IL22RA1: variants seen among roughly 807,000 people sequenced by gnomAD.
The protein encoded by IL22RA1 is interleukin 22 receptor subunit alpha 1.
Under a neutral mutation model 32.8 loss-of-function variants are expected in IL22RA1, and 25 were observed. That is an observed-to-expected ratio of 0.76 (90% CI 0.55 to 1.06). IL22RA1 has a LOEUF of 1.06. IL22RA1 is among the 50% of genes least tolerant of loss of function. The probability of loss-of-function intolerance (pLI) is 0.00; values close to 1 mark genes in which losing one functional copy is unlikely to be tolerated. For missense variants in IL22RA1, 709 were observed against 727.4 expected (o/e 0.97, Z 0.29); for synonymous variants, 305 against 305.0 (o/e 1.00, Z 0.00).
chr1:24,128,262 C>A lies in IL22RA1; in HGVS notation c.549G>T (p.Gln183His), dbSNP rs1320912380. The stretch of plus-strand genomic sequence containing the variant: ...TCAGGCCGAAGAACTCATATTCTCT[C>A]TGCTTCCCTCCAAGGTGCTGAATTG... ...RTYQMHLGGK[Q>H]REYEFFGLTP... The change falls in exon 5 of 7, where the codon CAG becomes CAT. Residue 183 changes from glutamine (Q) to histidine (H), a missense_variant. Gln to His is a conservative substitution (Grantham distance 24). Transcript: ENST00000270800. 2 of 1,613,442 alleles carry A rather than the reference C, an allele frequency of 1.2e-6. No individual in the cohort carries two copies. The highest frequency in any genetic ancestry group is 3.3e-5 in the Admixed American group (2 of 59,964).
chr1:24,133,339 T>C (rs1156562123), intron 4 of IL22RA1, among the ~76,000 whole-genome samples: 1 of 152,082 alleles, frequency 6.6e-6, no homozygotes, highest in Non-Finnish European at 1.5e-5. Flanking sequence ...CCAATACCCA[T>C]ATTTTCCTCT....
At chr1:24,129,799 A>C (rs778275729) in intron 4 of IL22RA1, among the ~76,000 whole-genome samples, 2 of 152,148 alleles carry the variant, frequency 1.3e-5, no homozygotes, top group Non-Finnish European at 2.9e-5. Context: ...TACATAAATA[A>C]ATTTTTTAAC....
chr1:24,124,000 A>T (rs943283690), intron 5 of IL22RA1, among the ~76,000 whole-genome samples: 2 of 152,246 alleles, frequency 1.3e-5, no homozygotes, highest in South Asian at 2.1e-4. Flanking sequence ...GACGGATCAC[A>T]GGCTCTGGGC....
At chr1:24,131,964 T>G (rs927344491) in intron 4 of IL22RA1, among the ~76,000 whole-genome samples, 3 of 152,144 alleles carry the variant, frequency 2.0e-5, no homozygotes, top group Non-Finnish European at 2.9e-5. Flanking sequence ...AATAAAATAT[T>G]TAATAAGACC....
In IL22RA1 at chr1:24,134,241, T is replaced by A. The variant is rs1469689528; in HGVS notation, c.501A>T (p.Leu167Phe). ...GGTAGGTGCGGTTGACCTGGAGCTC[T>A]AAGTGGTAGAACAGGTCATGGAAGA... is the stretch of plus-strand genomic sequence containing the variant. The part of the protein sequence containing the change: ...EDIFHDLFYH[L>F]ELQVNRTYQM... The change falls in exon 4 of 7, where the codon TTA becomes TTT. Residue 167 changes from leucine (L) to phenylalanine (F), a missense_variant. Leu to Phe is a conservative substitution (Grantham distance 22). Coordinates refer to ENST00000270800, the MANE Select transcript of IL22RA1 (RefSeq NM_021258.4). 4.3e-6 allele frequency: 7 copies of A among 1,611,930 alleles called. No homozygotes were observed. The highest frequency in any genetic ancestry group is 2.2e-5 in the South Asian group (2 of 90,990).
chr1:24,135,501 A>G (rs555978815), intron 3 of IL22RA1, among the ~76,000 whole-genome samples: 112 of 152,344 alleles, frequency 7.4e-4, no homozygotes, highest in African/African-American at 2.4e-3. Flanking sequence ...CAGTTGGTGA[A>G]CATCGTCACA....
chr1:24,127,441 A>G (rs1644173588), intron 5 of IL22RA1, among the ~76,000 whole-genome samples: 1 of 151,586 alleles, frequency 6.6e-6, no homozygotes, highest in Non-Finnish European at 1.5e-5. Flanking sequence ...CCTTCTGTGT[A>G]GCTGGGACCA....
At chr1:24,139,037 T>C (rs975064200) in intron 1 of IL22RA1, among the ~76,000 whole-genome samples, 3 of 152,270 alleles carry the variant, frequency 2.0e-5, no homozygotes, top group African/African-American at 7.2e-5. Flanking sequence ...CACAACGTTG[T>C]GCAATCATCG....
At chr1:24,138,838 A>T (rs1190754711) in intron 1 of IL22RA1, 124 bp from the exon 2 acceptor site, 1 of 1,191,160 alleles carries the variant, frequency 8.4e-7, no homozygotes, top group African/African-American at 1.5e-5. Flanking sequence ...TCAAGATGCC[A>T]GCCTGGTGGG....
intron 1 of IL22RA1, among the ~76,000 whole-genome samples, chr1:24,139,112 C>A (rs1261531886): frequency 6.6e-6 from 1 of 152,240 alleles, no homozygotes. Flanking sequence ...TTAGCAGTCA[C>A]TCCACCCATT....
chr1:24,137,139 A>G lies in IL22RA1; in HGVS notation c.347T>C (p.Leu116Pro), dbSNP rs371446595. 64 of 1,612,872 alleles carry G rather than the reference A, an allele frequency of 4.0e-5. No individual in the cohort carries two copies. The highest frequency in any genetic ancestry group is 5.3e-5 in the Non-Finnish European group (62 of 1,179,258). Residue 116 changes from leucine to proline, a missense_variant, in exon 3 of 7, where the codon CTG becomes CCG. Transcript: ENST00000270800. Reference protein sequence around the residue: ...ATKMTDRFSSLQHTTLKPPDV... With the variant: ...ATKMTDRFSSPQHTTLKPPDV... Reference sequence around the variant, plus strand: ...CAGGGGCTCCAACTCACTGTGCTGCAGAGAGCTGAACCTGTCAGTCATCTT... The same window carrying G: ...CAGGGGCTCCAACTCACTGTGCTGCGGAGAGCTGAACCTGTCAGTCATCTT...
In IL22RA1 at chr1:24,136,247, G is replaced by A. The variant is rs139774811; in HGVS notation, c.355+884C>T. ...TGGGATTACAAGTGTGAGCCACCAC[G>A]CCTGGCTATTGAGAATCTTCTATGT... On this transcript the variant is annotated intron_variant, in intron 3 of 6. Transcript: ENST00000270800. Among the ~76,000 whole-genome samples the A allele has an allele frequency of 3.3e-3, 501 of 152,248 alleles. 4 individuals carry two copies. Among genetic ancestry groups the A allele is most frequent in the African/African-American group, 0.011 (477 of 41,550 alleles).
At chr1:24,128,312 G>T (rs1014950031) in intron 4 of IL22RA1, 33 bp from the exon 5 acceptor site, 1 of 1,612,302 alleles carries the variant, frequency 6.2e-7, no homozygotes. Flanking sequence ...TGTGATTCCT[G>T]TTACACACCG....
In IL22RA1 at chr1:24,121,181, ACCT is replaced by A. The variant is rs747838224; in HGVS notation, c.1346_1348del (p.Glu449del). 6.2e-7 allele frequency: 1 copy of A among 1,614,158 alleles called. No homozygotes were observed. Among genetic ancestry groups the A allele is most frequent in the East Asian group, 2.2e-5 (1 of 44,882 alleles). On this transcript the variant is annotated inframe_deletion, in exon 7 of 7. Coordinates refer to ENST00000270800, the MANE Select transcript of IL22RA1 (RefSeq NM_021258.4). ...GGATTCCTCCATAGCCAAGGAGGTCACCTCCTGCAGAGAAAGGCCACCTAACAT... is the reference window on the plus strand; with the variant it reads ...GGATTCCTCCATAGCCAAGGAGGTCACCTGCAGAGAAAGGCCACCTAACAT...
intron 6 of IL22RA1, 50 bp from the exon 7 acceptor site, chr1:24,121,787 AG>A (rs1310983761): frequency 5.2e-5 from 72 of 1,392,958 alleles, no homozygotes; most frequent in African/African-American, 7.3e-5. Context: ...GTAAGTCCCA[AG>A]CTCCCTACTG....
chr1:24,133,491 G>A (rs2148573696), intron 4 of IL22RA1, among the ~76,000 whole-genome samples: 1 of 152,228 alleles, frequency 6.6e-6, no homozygotes, highest in South Asian at 2.1e-4. Flanking sequence ...AGGGTAGGGG[G>A]TACCAAATAT....
At chr1:24,127,016 CA>C (rs59069321) in intron 5 of IL22RA1, among the ~76,000 whole-genome samples, 6,097 of 72,814 alleles carry the variant, frequency 0.084, 136 homozygotes, top group African/African-American at 0.14. Flanking sequence ...ACTAAAAATA[CA>C]AAAAAAAAAA....
chr1:24,136,909 T>C (rs796461603), intron 3 of IL22RA1, among the ~76,000 whole-genome samples: 11 of 151,308 alleles, frequency 7.3e-5, no homozygotes, highest in African/African-American at 2.7e-4. Flanking sequence ...ACTAGGGAGG[T>C]TGGGGTGGAG....
At chr1:24,132,810 G>A (rs1423362869) in intron 4 of IL22RA1, among the ~76,000 whole-genome samples, 1 of 151,600 alleles carries the variant, frequency 6.6e-6, no homozygotes, top group Non-Finnish European at 1.5e-5. Flanking sequence ...AGACCAGCCT[G>A]GGCAACACAG....
Sources: gnomAD v4.1 joint callset for allele counts (sites outside exome capture counted in the v4.1 genomes callset) on GRCh38, gnomAD v4.1.1 for gene constraint, MANE v1.5 for transcripts, NCBI Gene and HGNC (gene_info 2026-07-23, HGNC 2026-07-21) for gene names.